Variants in NSL1 observed in about 807,000 individuals in gnomAD.
The protein encoded by NSL1 is NSL1 component of MIS12 kinetochore complex.
NSL1 carries 11 observed loss-of-function variants against 25.4 expected under a neutral mutation model. That is an observed-to-expected ratio of 0.43 (90% CI 0.27 to 0.72). The LOEUF is 0.72. Among genes scored for constraint, NSL1 ranks in the 30% least tolerant of loss-of-function variants. The pLI, the probability that NSL1 is intolerant of heterozygous loss-of-function variation, is 0.19. For missense variants in NSL1, 330 were observed against 342.7 expected (o/e 0.96, Z 0.29); for synonymous variants, 118 against 120.6 (o/e 0.98, Z 0.14).
At chr1:212,782,346 T>G (rs749508711) in intron 4 of NSL1, 26 bp downstream of exon 4, 47 of 1,565,612 alleles carry the variant, frequency 3.0e-5, no homozygotes, top group Non-Finnish European at 4.0e-5. Flanking sequence ...ATGCTTCATT[T>G]TTACCACAAA....
chr1:212,766,774 C>T (rs1478156994), intron 4 of NSL1, among the ~76,000 whole-genome samples: 4 of 152,104 alleles, frequency 2.6e-5, no homozygotes, highest in Non-Finnish European at 5.9e-5. Flanking sequence ...CACTGCTACA[C>T]ACCAACAATG....
Position 212,791,602 on chromosome 1 carries a change from G to A in NSL1, c.162C>T (p.Gly54=), listed in dbSNP as rs774538862. ...RAVTEMLQLC[G]RFVQKLGDAL... is the part of the protein sequence containing the mutation. Reference sequence around the variant, plus strand: ...CGTCCCCGAGCTTTTGCACGAAGCGGCCGCACAGTTGTAGCATTTCGGTCA... The same window carrying A: ...CGTCCCCGAGCTTTTGCACGAAGCGACCGCACAGTTGTAGCATTTCGGTCA... Residue 54 remains glycine (G), a synonymous_variant, in exon 1 of 6, where the codon GGC becomes GGT. Coordinates refer to ENST00000366977, the MANE Select transcript of NSL1 (RefSeq NM_015471.4). 3 of 1,613,930 alleles carry A rather than the reference G, an allele frequency of 1.9e-6. No individual in the cohort carries two copies. The highest frequency in any genetic ancestry group is 4.5e-5 in the East Asian group (2 of 44,880).
intron 4 of NSL1, among the ~76,000 whole-genome samples, chr1:212,762,315 A>AAAG (rs1203328382): frequency 2.0e-5 from 3 of 150,338 alleles, no homozygotes; most frequent in African/African-American, 7.3e-5. Context: ...ACAAAAAAAA[A>AAAG]AAAAAAAAAA....
At chr1:212,756,222 T>C (rs1354876168) in intron 4 of NSL1, among the ~76,000 whole-genome samples, 1 of 152,104 alleles carries the variant, frequency 6.6e-6, no homozygotes, top group African/African-American at 2.4e-5. Context: ...TGGGTTCAAA[T>C]GATCCTCCCT....
intron 2 of NSL1, among the ~76,000 whole-genome samples, chr1:212,785,445 C>A (rs185936716): frequency 1.6e-4 from 24 of 152,076 alleles, no homozygotes; most frequent in African/African-American, 5.8e-4. Flanking sequence ...CACCCATTAA[C>A]TCGTCATTTA....
rs1203116517 is a variant in NSL1, at chr1:212,726,871, G to A, written c.*11537C>T. On this transcript the variant is annotated 3_prime_UTR_variant, in exon 6 of 6. Coordinates refer to ENST00000366977, the MANE Select transcript of NSL1 (RefSeq NM_015471.4). ...TCTGTGCAACAACAGAGCCGAGCCC[G>A]GTCCCAGGGGCTGGATGGTGTCCCT... The A allele has an allele frequency of 3.2e-5, 12 of 369,918 alleles. No homozygotes were observed. Among genetic ancestry groups the A allele is most frequent in the South Asian group, 1.0e-4 (1 of 9,786 alleles). 22.9% of individuals were successfully genotyped at this position (369,918 alleles called of 1,614,324 possible).
At position 212,735,024 on chromosome 1, in the gene NSL1, G is replaced by A. The variant is rs1571858933; in HGVS notation, c.*3384C>T. On this transcript the variant is annotated 3_prime_UTR_variant, in exon 6 of 6. Coordinates refer to ENST00000366977, the MANE Select transcript of NSL1 (RefSeq NM_015471.4). ...GAACTCATTTACTTCTCAGAATAAC[G>A]CTATGAGGTAGGCATAATTATTATC... 6.6e-6 allele frequency among the ~76,000 whole-genome samples: 1 copy of A among 152,160 alleles called. No homozygotes were observed. Among genetic ancestry groups the A allele is most frequent in the Admixed American group, 6.5e-5 (1 of 15,272 alleles).
intron 4 of NSL1, among the ~76,000 whole-genome samples, chr1:212,761,374 A>G (rs1347440238): frequency 6.6e-6 from 1 of 152,054 alleles, no homozygotes; most frequent in Admixed American, 6.6e-5. Flanking sequence ...ACGTGGCGAA[A>G]CCTCCTCTCC....
At chr1:212,781,537 T>G (rs1660731731) in intron 4 of NSL1, among the ~76,000 whole-genome samples, 1 of 119,368 alleles carries the variant, frequency 8.4e-6, no homozygotes, top group Admixed American at 7.7e-5. Flanking sequence ...ATGCTTATAC[T>G]TCCCCCCCTC....
chr1:212,755,668 A>G (rs1417802953), intron 4 of NSL1, among the ~76,000 whole-genome samples: 13 of 151,906 alleles, frequency 8.6e-5, no homozygotes. Context: ...CAGCAAACTG[A>G]TAATAGTTGC....
At chr1:212,768,771 G>A (rs148317547) in intron 4 of NSL1, among the ~76,000 whole-genome samples, 2 of 152,282 alleles carry the variant, frequency 1.3e-5, no homozygotes, top group Admixed American at 1.3e-4. Flanking sequence ...TGGGTACAGT[G>A]TACACTGCTT....
chr1:212,757,727 C>T (rs1456503249), intron 4 of NSL1, among the ~76,000 whole-genome samples: 3 of 152,156 alleles, frequency 2.0e-5, no homozygotes, highest in African/African-American at 7.2e-5. Flanking sequence ...GAGGGATCTG[C>T]CCCCAAGACC....
Position 212,737,730 on chromosome 1 carries a change from GA to G in NSL1, c.*677del. The G allele has an allele frequency of 1.0e-5, 10 of 982,340 alleles. No individual in the cohort carries two copies. The highest frequency in any genetic ancestry group is 1.2e-5 in the Non-Finnish European group (10 of 827,164). 60.9% of individuals were successfully genotyped at this position (982,340 alleles called of 1,614,324 possible). ...AGTCAAATTATGTTAATGGTCTATAGAAAAAAGTGAGTGTGGGCAGGAAACA... is the reference window on the plus strand; with the variant it reads ...AGTCAAATTATGTTAATGGTCTATAGAAAAAGTGAGTGTGGGCAGGAAACA... On this transcript the variant is annotated 3_prime_UTR_variant, in exon 6 of 6. Coordinates refer to ENST00000366977, the MANE Select transcript of NSL1 (RefSeq NM_015471.4).
chr1:212,743,174 C>CT lies in NSL1; in HGVS notation c.500-3574dup, dbSNP rs570988293. Among the ~76,000 whole-genome samples the CT allele has an allele frequency of 4.7e-3, 700 of 150,100 alleles. 17 individuals are homozygous for CT. The highest frequency in any genetic ancestry group is 1.7e-3 in the Non-Finnish European group (116 of 67,384). The stretch of plus-strand genomic sequence containing the variant: ...TTTTTGTTTACTTTGGTTTTTTTTT[C>CT]TTTTTTTTTGAGATGGAGTCTCCCT... On this transcript the variant is annotated intron_variant, in intron 4 of 5. Transcript: ENST00000366977.
chr1:212,771,712 A>G (rs1468303717), intron 4 of NSL1, among the ~76,000 whole-genome samples: 2 of 152,104 alleles, frequency 1.3e-5, no homozygotes, highest in Non-Finnish European at 2.9e-5. Context: ...CTATACACCA[A>G]TAATGAACTA....
In NSL1 at chr1:212,727,480, A is replaced by G; in HGVS notation, c.*10928T>C. 1 of 985,434 alleles carries G rather than the reference A, an allele frequency of 1.0e-6. No individual in the cohort carries two copies. Among genetic ancestry groups the G allele is most frequent in the African/African-American group, 1.7e-5 (1 of 57,358 alleles). 61.0% of individuals were successfully genotyped at this position (985,434 alleles called of 1,614,324 possible). On this transcript the variant is annotated 3_prime_UTR_variant, in exon 6 of 6. Transcript: ENST00000366977. Reference sequence around the variant, plus strand: ...CACAATTTCAAGCAGCAGTCAACTAAAACGATTCCTTTTGCAATTTAGGTT... The same window carrying G: ...CACAATTTCAAGCAGCAGTCAACTAGAACGATTCCTTTTGCAATTTAGGTT...
rs1224097734 is a variant in NSL1 at position 212,779,595 on chromosome 1, G to A, written c.499+2777C>T. Among the ~76,000 whole-genome samples the A allele has an allele frequency of 6.1e-4, 72 of 117,654 alleles. 1 individual carries two copies. Among genetic ancestry groups the A allele is most frequent in the African/African-American group, 2.3e-3 (67 of 29,366 alleles). The allele number at this position is 117,654 out of a possible 152,430, so 77.2% of individuals were successfully genotyped here. On this transcript the variant is annotated intron_variant, in intron 4 of 5. Coordinates refer to ENST00000366977, the MANE Select transcript of NSL1 (RefSeq NM_015471.4). ...CCCCACCCGGCCAGCCACCCCGTCCGGGAGGGAGGTGGGGGGGTCAGCCCC... is the reference window on the plus strand; with the variant it reads ...CCCCACCCGGCCAGCCACCCCGTCCAGGAGGGAGGTGGGGGGGTCAGCCCC...
intron 4 of NSL1, among the ~76,000 whole-genome samples, chr1:212,777,068 AAAAAAC>A (rs1161463214): frequency 2.0e-5 from 3 of 151,828 alleles, no homozygotes; most frequent in Non-Finnish European, 2.9e-5. Flanking sequence ...ACTAAAAAAA[AAAAAAC>A]AAAAACAAAA....
rs773273972 is a variant in NSL1 at position 212,738,668 on chromosome 1, C to A, written c.586G>T (p.Glu196Ter). 6.2e-7 allele frequency: 1 copy of A among 1,613,390 alleles called. No individual in the cohort carries two copies. Among genetic ancestry groups the A allele is most frequent in the East Asian group, 2.2e-5 (1 of 44,874 alleles). ...EAMKSLPALIEQGEGFSQVLR... is the reference protein window; with the variant it reads ...EAMKSLPALI ...ACTTGGGAAAATCCCTCTCCTTGTT[C>A]AATTAATGCAGGCAAGGACTTCAAA... Residue 196 changes from glutamate (E) to a stop codon, truncating the protein, a stop_gained, in exon 6 of 6, where the codon GAA (glutamate) becomes TAA (stop). Transcript: ENST00000366977. LOFTEE classifies it low-confidence loss of function (END_TRUNC).
Sources: allele counts gnomAD v4.1 joint callset (sites outside exome capture counted in the v4.1 genomes callset), GRCh38; gene constraint gnomAD v4.1.1; transcripts MANE v1.5; gene names NCBI Gene and HGNC (gene_info 2026-07-23, HGNC 2026-07-21).